Variants in VXN observed in about 807,000 individuals in gnomAD.
VXN encodes the protein vexin, also known as uncharacterized protein C8orf46.
In VXN, 7 loss-of-function variants were observed where a neutral mutation model predicts 23.1. That is an observed-to-expected ratio of 0.30 (90% confidence interval 0.17 to 0.57). VXN has a LOEUF of 0.57. Among genes scored for constraint, VXN ranks in the 20% least tolerant of loss-of-function variants. VXN has a pLI of 0.91. For synonymous variants in VXN, 120 were observed against 105.8 expected (o/e 1.13, Z -0.83); for missense variants, 238 against 272.6 (o/e 0.87, Z 0.89).
chr8:66,506,440 C>G (rs1274179635), intron 3 of VXN, among the ~76,000 whole-genome samples: 2 of 151,838 alleles, frequency 1.3e-5, no homozygotes, highest in Non-Finnish European at 2.9e-5. Context: ...GCTTCCACCC[C>G]AAGCAGATAA....
chr8:66,513,083 G>A (rs1807843274), intron 4 of VXN, among the ~76,000 whole-genome samples: 1 of 152,194 alleles, frequency 6.6e-6, no homozygotes, highest in Non-Finnish European at 1.5e-5. Flanking sequence ...GGAGGAAACG[G>A]AGAGGCTGGG....
At chr8:66,497,798 A>C (rs1807642667) in intron 2 of VXN, among the ~76,000 whole-genome samples, 1 of 152,180 alleles carries the variant, frequency 6.6e-6, no homozygotes, top group Non-Finnish European at 1.5e-5. Flanking sequence ...AGGTTGAAGC[A>C]GAAGGTTAGC....
At position 66,496,438 on chromosome 8, in the gene VXN, A is replaced by T; in HGVS notation, c.72A>T (p.Val24=). The part of the protein sequence containing the change: ...EVFTTVIPSK[V]SSPARRRAKS... ...ATTTCTTTCTCTCTGTCTTTGCAGTATCCAGTCCAGCCAGAAGAAGAGCCA... is the reference window on the plus strand; with the variant it reads ...ATTTCTTTCTCTCTGTCTTTGCAGTTTCCAGTCCAGCCAGAAGAAGAGCCA... The change falls in exon 2 of 6, where the codon GTA becomes GTT. Residue 24 remains valine (V), a splice_region_variant and synonymous_variant. Coordinates refer to ENST00000305454, the MANE Select transcript of VXN (RefSeq NM_152765.4). 1 of 1,614,080 alleles carries T rather than the reference A, an allele frequency of 6.2e-7. No individual in the cohort carries two copies. Among genetic ancestry groups the T allele is most frequent in the Non-Finnish European group, 8.5e-7 (1 of 1,179,926 alleles).
At chr8:66,505,560 C>T in intron 3 of VXN, 32 bp downstream of exon 3, 1 of 1,451,264 alleles carries the variant, frequency 6.9e-7, no homozygotes, top group Non-Finnish European at 9.0e-7. Flanking sequence ...CTCCCCGCAC[C>T]TCCCTGGGCG....
At position 66,515,905 on chromosome 8, in the gene VXN, CAAG is replaced by C; in HGVS notation, c.458_460del (p.Lys153del). ...GGCTTTTCTTTAGATCCAGACATCT[CAAG>C]AAGATGACTGAAGAGTATCCAGCCC... On this transcript the variant is annotated inframe_deletion, in exon 6 of 6. Transcript: ENST00000305454. The C allele has an allele frequency of 1.3e-6, 2 of 1,599,510 alleles. No individual in the cohort carries two copies. Among genetic ancestry groups the C allele is most frequent in the Non-Finnish European group, 1.7e-6 (2 of 1,173,318 alleles).
chr8:66,512,229 A>C (rs16932940), intron 4 of VXN, among the ~76,000 whole-genome samples: 1 of 152,166 alleles, frequency 6.6e-6, no homozygotes, highest in Admixed American at 6.5e-5. Flanking sequence ...AAGTCCGTGC[A>C]AAGTGTGCTG....
chr8:66,513,875 A>C, intron 5 of VXN: 1 of 465,450 alleles, frequency 2.1e-6, no homozygotes, highest in Non-Finnish European at 3.8e-6. Context: ...CATTAACGCC[A>C]CTCTTTAGGC....
rs1807910617 is a variant in VXN at position 66,517,478 on chromosome 8, A to G, written c.*1402A>G. 1 of 152,260 alleles carries G rather than the reference A, an allele frequency of 6.6e-6. No individual in the cohort carries two copies. Among genetic ancestry groups the G allele is most frequent in the African/African-American group, 2.4e-5 (1 of 41,474 alleles). The allele number at this position is 152,260 out of a possible 1,614,324, so 9.4% of individuals were successfully genotyped here. ...TTAGAGCTACTCCTTCACACAAAATAGTTCAGAACATAGAGAAGGACCAAG... is the reference window on the plus strand; with the variant it reads ...TTAGAGCTACTCCTTCACACAAAATGGTTCAGAACATAGAGAAGGACCAAG... On this transcript the variant is annotated 3_prime_UTR_variant, in exon 6 of 6. Transcript: ENST00000305454.
chr8:66,509,010 A>G (rs1807791554), intron 3 of VXN, among the ~76,000 whole-genome samples: 2 of 152,326 alleles, frequency 1.3e-5, no homozygotes, highest in South Asian at 4.1e-4. Flanking sequence ...AAAAGAAAAG[A>G]AAGATTGTGG....
At chr8:66,514,782 G>A (rs892310645) in intron 5 of VXN, among the ~76,000 whole-genome samples, 24 of 152,230 alleles carry the variant, frequency 1.6e-4, no homozygotes, top group Non-Finnish European at 2.6e-4. Context: ...TGTTGTCAAC[G>A]TGTTTCAGGA....
At chr8:66,511,165 G>A (rs1466074921) in intron 4 of VXN, among the ~76,000 whole-genome samples, 1 of 152,132 alleles carries the variant, frequency 6.6e-6, no homozygotes, top group Non-Finnish European at 1.5e-5. Flanking sequence ...GGATGGGGTG[G>A]CACATTTTCA....
chr8:66,503,936 C>G (rs1200146616), intron 2 of VXN, among the ~76,000 whole-genome samples: 1 of 152,216 alleles, frequency 6.6e-6, no homozygotes, highest in African/African-American at 2.4e-5. Context: ...AGCTAAGAAA[C>G]AGGAAGGCTC....
rs1807915111 is a variant in VXN, at chr8:66,517,845, T to C, written c.*1769T>C. 1 of 152,274 alleles carries C rather than the reference T, an allele frequency of 6.6e-6. No homozygotes were observed. The highest frequency in any genetic ancestry group is 2.1e-4 in the South Asian group (1 of 4,838). 9.4% of individuals were successfully genotyped at this position (152,274 alleles called of 1,614,324 possible). On this transcript the variant is annotated 3_prime_UTR_variant, in exon 6 of 6. Transcript: ENST00000305454. ...TTACAGGTCTCAGACTCAACTGCTATGTGTGACTGCCGCTCTGTGCCTATG... is the reference window on the plus strand; with the variant it reads ...TTACAGGTCTCAGACTCAACTGCTACGTGTGACTGCCGCTCTGTGCCTATG...
At chr8:66,513,367 G>A (rs1417060986) in intron 4 of VXN, among the ~76,000 whole-genome samples, 173 bp from the exon 5 acceptor site, 1 of 152,196 alleles carries the variant, frequency 6.6e-6, no homozygotes, top group Non-Finnish European at 1.5e-5. Context: ...CTGGGGTGGG[G>A]CCTGGCACTG....
chr8:66,507,461 A>T (rs930181068), intron 3 of VXN, among the ~76,000 whole-genome samples: 26 of 152,210 alleles, frequency 1.7e-4, no homozygotes, highest in African/African-American at 5.8e-4. Flanking sequence ...ATTGCTTGTG[A>T]GCAACAGAGC....
At position 66,506,977 on chromosome 8, in the gene VXN, T is replaced by C. The variant is rs978223103; in HGVS notation, c.280+1449T>C. ...AAGAAGAGACAGAATATTTATCTTT[T>C]CTATAAAATCATAAAGTGAATTTAG... On this transcript the variant is annotated intron_variant, in intron 3 of 5. Coordinates refer to ENST00000305454, the MANE Select transcript of VXN (RefSeq NM_152765.4). Among the ~76,000 whole-genome samples, 12 of 152,344 alleles carry C rather than the reference T, an allele frequency of 7.9e-5. No individual in the cohort carries two copies. The South Asian group carries it at 8.3e-4, about 11-fold the overall frequency.
rs1224348516 is a variant in VXN, at chr8:66,496,467, G to T, written c.101G>T (p.Ser34Ile). ...VSSPARRRAK[S>I]SQHLLTKNVV... ...AGTCCAGCCAGAAGAAGAGCCAAAA[G>T]CTCTCAGCACCTCTTGACCAAGAAT... Residue 34 changes from serine to isoleucine, a missense_variant, in exon 2 of 6, where the codon AGC (serine) becomes ATC (isoleucine). This residue lies in a region of VXN where 223 missense variants were observed against 236.9 expected (regional missense o/e 0.94). Coordinates refer to ENST00000305454, the MANE Select transcript of VXN (RefSeq NM_152765.4). 1.9e-6 allele frequency: 3 copies of T among 1,614,168 alleles called. No homozygotes were observed. The highest frequency in any genetic ancestry group is 2.5e-6 in the Non-Finnish European group (3 of 1,180,020).
At chr8:66,496,344 G>A (rs555649987) in intron 1 of VXN, 93 bp from the exon 2 acceptor site, 14 of 1,214,790 alleles carry the variant, frequency 1.2e-5, no homozygotes, top group East Asian at 9.3e-5. Context: ...CCCCTGCCTC[G>A]CCACAGATTC....
At chr8:66,499,158 A>G (rs139198290) in intron 2 of VXN, among the ~76,000 whole-genome samples, 1 of 149,868 alleles carries the variant, frequency 6.7e-6, no homozygotes, top group Non-Finnish European at 1.5e-5. Flanking sequence ...CAAATGATTT[A>G]ATGCATATAA....
Sources: allele counts gnomAD v4.1 joint callset (sites outside exome capture counted in the v4.1 genomes callset), GRCh38; gene constraint gnomAD v4.1.1; regional missense constraint gnomAD v4.1.1; transcripts MANE v1.5; gene names NCBI Gene and HGNC (gene_info 2026-07-23, HGNC 2026-07-21).